WWOX: variants seen among roughly 807,000 people sequenced by gnomAD.
WWOX encodes WW domain containing oxidoreductase.
A neutral mutation model predicts 46.2 loss-of-function variants in WWOX; 69 were observed. That is an observed-to-expected ratio of 1.49 (90% confidence interval 1.23 to 1.82). The LOEUF is 1.82. WWOX is among the 40% of genes most tolerant of loss of function. The pLI is 0.00. For synonymous variants in WWOX, 359 were observed against 202.6 expected, an observed-to-expected ratio of 1.77 and a Z score of -6.56; for missense variants, 919 against 542.6, an observed-to-expected ratio of 1.69 and a Z score of -6.89.
chr16:78,773,019 G>A (rs2050101852), intron 8 of WWOX, among the ~76,000 whole-genome samples: 1 of 152,062 alleles, frequency 6.6e-6, no homozygotes, highest in African/African-American at 2.4e-5. Flanking sequence ...GGTCTGTTTT[G>A]CAGACCTTGT....
intron 8 of WWOX, among the ~76,000 whole-genome samples, chr16:78,710,486 A>ATATATATATATATT (rs1555520974): frequency 3.6e-4 from 46 of 127,158 alleles, no homozygotes; most frequent in Admixed American, 7.4e-4. Flanking sequence ...ATATATATAT[A>ATATATATATATATT]TATATATATA....
chr16:78,757,462 C>A (rs1456539165), intron 8 of WWOX, among the ~76,000 whole-genome samples: 1 of 152,060 alleles, frequency 6.6e-6, no homozygotes, highest in Non-Finnish European at 1.5e-5. Flanking sequence ...ATGTGTTTGC[C>A]TGACAAATAC....
intron 8 of WWOX, among the ~76,000 whole-genome samples, chr16:78,468,934 T>G (rs1376051598): frequency 2.6e-5 from 4 of 152,176 alleles, no homozygotes; most frequent in Non-Finnish European, 4.4e-5. Context: ...AAAAGTATAT[T>G]CAAGAGCGAA....
chr16:78,572,814 T>C (rs1290130149), intron 8 of WWOX, among the ~76,000 whole-genome samples: 1 of 152,004 alleles, frequency 6.6e-6, no homozygotes, highest in African/African-American at 2.4e-5. Context: ...AACAGAATGG[T>C]GCCATGGCGA....
intron 8 of WWOX, among the ~76,000 whole-genome samples, chr16:78,597,617 A>G (rs544010177): frequency 6.6e-4 from 100 of 152,252 alleles, no homozygotes; most frequent in Middle Eastern, 3.4e-3. Context: ...CATTAAGTTT[A>G]AAATTGTTTT....
intron 6 of WWOX, among the ~76,000 whole-genome samples, chr16:78,397,371 T>C (rs868730307): frequency 5.9e-5 from 9 of 152,308 alleles, no homozygotes; most frequent in African/African-American, 2.2e-4. Context: ...ATTTTATCCT[T>C]ATAATGACTC....
chr16:78,382,976 G>A (rs114942974), intron 5 of WWOX, among the ~76,000 whole-genome samples: 1,879 of 151,630 alleles, frequency 0.012, 47 homozygotes, highest in African/African-American at 0.044. Flanking sequence ...CAATCATGGC[G>A]AAGAGGAAGC....
intron 8 of WWOX, among the ~76,000 whole-genome samples, chr16:78,474,056 T>C: frequency 6.6e-6 from 1 of 152,194 alleles, no homozygotes; most frequent in African/African-American, 2.4e-5. Context: ...TAAAAGAAAA[T>C]GAAGTGACAT....
chr16:78,888,270 A>G (rs1275569119), intron 8 of WWOX, among the ~76,000 whole-genome samples: 1 of 152,196 alleles, frequency 6.6e-6, no homozygotes, highest in Non-Finnish European at 1.5e-5. Context: ...AAGTGACTTG[A>G]GAACCCACTT....
intron 8 of WWOX, among the ~76,000 whole-genome samples, chr16:79,110,102 T>A (rs1242220404): frequency 6.6e-6 from 1 of 152,150 alleles, no homozygotes; most frequent in Non-Finnish European, 1.5e-5. Context: ...GCAACCTCAT[T>A]GCACCCAGGA....
chr16:78,675,861 C>G (rs1193900379), intron 8 of WWOX, among the ~76,000 whole-genome samples: 1 of 151,958 alleles, frequency 6.6e-6, no homozygotes, highest in African/African-American at 2.4e-5. Flanking sequence ...CATGACTTTT[C>G]TGATCATACC....
intron 8 of WWOX, among the ~76,000 whole-genome samples, chr16:78,709,653 A>T (rs1158080652): frequency 6.6e-6 from 1 of 151,990 alleles, no homozygotes; most frequent in African/African-American, 2.4e-5. Flanking sequence ...ATGAAAACCA[A>T]CTGCCCTGTG....
At position 79,164,815 on chromosome 16, in the gene WWOX, T is replaced by A. The variant is rs140531603; in HGVS notation, c.1057-46793T>A. Among the ~76,000 whole-genome samples the A allele has an allele frequency of 3.1e-3, 471 of 152,176 alleles. 1 individual carries two copies. Among genetic ancestry groups the A allele is most frequent in the African/African-American group, 0.011 (444 of 41,516 alleles). On this transcript the variant is annotated intron_variant, in intron 8 of 8. Coordinates refer to ENST00000566780, the MANE Select transcript of WWOX (RefSeq NM_016373.4). Reference sequence around the variant, plus strand: ...AAGGAGACAAGGGATTCAGGGCCCTTTGTCATTTATGTAGCACCAGCCCTG... The same window carrying A: ...AAGGAGACAAGGGATTCAGGGCCCTATGTCATTTATGTAGCACCAGCCCTG...
intron 8 of WWOX, among the ~76,000 whole-genome samples, chr16:78,732,439 G>C (rs913198167): frequency 6.6e-6 from 1 of 152,154 alleles, no homozygotes; most frequent in African/African-American, 2.4e-5. Flanking sequence ...GCCAACAACT[G>C]AGCCCTCAGA....
chr16:78,905,572 G>T (rs1306387391), intron 8 of WWOX, among the ~76,000 whole-genome samples: 1 of 151,884 alleles, frequency 6.6e-6, no homozygotes, highest in Non-Finnish European at 1.5e-5. Flanking sequence ...GTAGAAATGG[G>T]GTCTCACCAT....
At chr16:78,417,404 T>G (rs988551143) in intron 6 of WWOX, among the ~76,000 whole-genome samples, 1 of 152,148 alleles carries the variant, frequency 6.6e-6, no homozygotes, top group Middle Eastern at 3.2e-3. Flanking sequence ...ATGTTAGCTA[T>G]TTCTGAAACT....
intron 5 of WWOX, among the ~76,000 whole-genome samples, chr16:78,187,550 C>T (rs147250635): frequency 0.015 from 2,326 of 152,236 alleles, 41 homozygotes; most frequent in Middle Eastern, 0.051. Flanking sequence ...TTGCAATGAG[C>T]CGAGATCGCG....
chr16:78,649,645 C>T (rs1347872194), intron 8 of WWOX, among the ~76,000 whole-genome samples: 1 of 152,196 alleles, frequency 6.6e-6, no homozygotes, highest in Non-Finnish European at 1.5e-5. Flanking sequence ...CTTACTTTCC[C>T]TTCTGTCCTT....
intron 8 of WWOX, among the ~76,000 whole-genome samples, chr16:78,934,354 A>G (rs1158482824): frequency 6.7e-6 from 1 of 148,954 alleles, no homozygotes; most frequent in East Asian, 2.0e-4. Context: ...AAAAAAAAGA[A>G]GAAACTTAGC....
Sources: allele counts gnomAD v4.1 joint callset (sites outside exome capture counted in the v4.1 genomes callset), GRCh38; gene constraint gnomAD v4.1.1; transcripts MANE v1.5; gene names NCBI Gene and HGNC (gene_info 2026-07-23, HGNC 2026-07-21).